The following CATSPERE variants were observed in gnomAD, a reference collection of about 807,000 sequenced individuals.
CATSPERE encodes catsper channel auxiliary subunit epsilon, also known as cation channel sperm-associated auxiliary subunit epsilon.
Under a neutral mutation model 114.1 loss-of-function variants are expected in CATSPERE, and 93 were observed. The ratio of observed to expected loss-of-function variants is 0.81; its 90% CI spans 0.69 to 0.97. CATSPERE has a LOEUF of 0.97. CATSPERE is among the 50% of genes least tolerant of loss of function. The pLI is 0.00. For missense variants in CATSPERE, 1,058 were observed against 1,131.6 expected, an observed-to-expected ratio of 0.93 and a Z score of 0.93; for synonymous variants, 341 against 384.1, an observed-to-expected ratio of 0.89 and a Z score of 1.31.
intron 17 of CATSPERE, among the ~76,000 whole-genome samples, chr1:244,595,038 C>T (rs12564755): frequency 0.18 from 26,991 of 152,030 alleles, 3,376 homozygotes; most frequent in East Asian, 0.39. Flanking sequence ...TTTGTGTTTT[C>T]GTGTTTGTTT....
chr1:244,542,913 G>C (rs1214781228), intron 8 of CATSPERE, among the ~76,000 whole-genome samples: 1 of 152,040 alleles, frequency 6.6e-6, no homozygotes, highest in Non-Finnish European at 1.5e-5. Context: ...GCACAATGAG[G>C]TATCACCTCA....
chr1:244,597,021 C>T (rs1185284850), intron 17 of CATSPERE, among the ~76,000 whole-genome samples: 1 of 152,098 alleles, frequency 6.6e-6, no homozygotes, highest in Non-Finnish European at 1.5e-5. Context: ...CCTGTCCCTC[C>T]ATTTGTAAGC....
chr1:244,520,254 C>G lies in CATSPERE; in HGVS notation c.536+1556C>G, dbSNP rs561428620. On this transcript the variant is annotated intron_variant, in intron 8 of 21. Transcript: ENST00000366534. ...TCCTATGAGTATTATAGTGTTCGCT[C>G]TTACATTTAAGCCCTTGGTCTACTT... Among the ~76,000 whole-genome samples, 6 of 152,200 alleles carry G rather than the reference C, an allele frequency of 3.9e-5. No individual in the cohort carries two copies. In the South Asian group the frequency reaches 1.2e-3, roughly 32 times the overall value.
At chr1:244,474,474 A>C (rs1668967488) in intron 2 of CATSPERE, among the ~76,000 whole-genome samples, 1 of 151,686 alleles carries the variant, frequency 6.6e-6, no homozygotes, top group Admixed American at 6.6e-5. Flanking sequence ...ATTATTCTTT[A>C]ATTATAGAAT....
intron 20 of CATSPERE, among the ~76,000 whole-genome samples, chr1:244,630,494 A>C (rs1047637241): frequency 7.2e-5 from 11 of 152,174 alleles, no homozygotes; most frequent in Non-Finnish European, 1.5e-4. Flanking sequence ...TTCTTCGATG[A>C]GACTACATTG....
intron 20 of CATSPERE, among the ~76,000 whole-genome samples, chr1:244,622,429 G>T (rs1672515924): frequency 1.7e-5 from 2 of 114,590 alleles, no homozygotes; most frequent in Non-Finnish European, 1.7e-5. Flanking sequence ...TTTGAGACAG[G>T]TTCTCATTCT....
chr1:244,518,530 G>A, intron 7 of CATSPERE, 62 bp from the exon 8 acceptor site: 3 of 993,616 alleles, frequency 3.0e-6, no homozygotes, highest in Non-Finnish European at 4.8e-6. Flanking sequence ...ATATCCTGAT[G>A]TCACATCAAA....
intron 8 of CATSPERE, among the ~76,000 whole-genome samples, chr1:244,545,250 G>T (rs570902535): frequency 6.6e-6 from 1 of 152,286 alleles, no homozygotes; most frequent in East Asian, 1.9e-4. Flanking sequence ...CTAAGGTGAG[G>T]TTAATTTGTT....
intron 8 of CATSPERE, among the ~76,000 whole-genome samples, chr1:244,521,303 A>G (rs1256450323): frequency 1.3e-5 from 2 of 152,174 alleles, no homozygotes; most frequent in African/African-American, 4.8e-5. Context: ...ACAGTGAGCT[A>G]TGATCATGCC....
At chr1:244,620,565 G>T (rs1671957749) in intron 20 of CATSPERE, among the ~76,000 whole-genome samples, 1 of 152,116 alleles carries the variant, frequency 6.6e-6, no homozygotes, top group Non-Finnish European at 1.5e-5. Flanking sequence ...ATTTTAACAA[G>T]TGAAAGAACA....
At chr1:244,454,003 G>T (rs1486036991), upstream of CATSPERE, among the ~76,000 whole-genome samples, 2 of 152,184 alleles carry the variant, frequency 1.3e-5, no homozygotes, top group African/African-American at 4.8e-5. Context: ...AGTTTGGAAG[G>T]GATACTCCCG....
At chr1:244,483,208 G>A (rs940723906) in intron 5 of CATSPERE, among the ~76,000 whole-genome samples, 19 of 152,172 alleles carry the variant, frequency 1.2e-4, no homozygotes, top group African/African-American at 4.6e-4. Context: ...AGTGAAGAAC[G>A]TCAGGCCTCA....
At chr1:244,586,832 G>A (rs1667094239) in intron 13 of CATSPERE, among the ~76,000 whole-genome samples, 1 of 152,182 alleles carries the variant, frequency 6.6e-6, no homozygotes, top group Non-Finnish European at 1.5e-5. Context: ...CCTGGAGCCA[G>A]GTGGAAATGG....
At position 244,607,835 on chromosome 1, in the gene CATSPERE, T is replaced by C. The variant is rs150157133; in HGVS notation, c.2403+2041T>C. Among the ~76,000 whole-genome samples the C allele has an allele frequency of 2.5e-3, 380 of 152,274 alleles. 5 individuals carry two copies. The highest frequency in any genetic ancestry group is 0.014 in the East Asian group (70 of 5,170). On this transcript the variant is annotated intron_variant, in intron 18 of 21. Transcript: ENST00000366534. This position sits in a 1 kb window ranked among gnomAD's most constrained non-coding sequence, Gnocchi z 4.4. ...GTGATCAAGAATTAAACTTGTTGGC[T>C]AGGCACGGTGGCTCATGCCTATAAT...
chr1:244,538,498 C>T (rs1284177842), intron 8 of CATSPERE, among the ~76,000 whole-genome samples: 1 of 152,106 alleles, frequency 6.6e-6, no homozygotes, highest in East Asian at 1.9e-4. Context: ...TCCCCACATC[C>T]CTAGAAATCC....
At chr1:244,508,455 C>T (rs1675171517) in intron 7 of CATSPERE, among the ~76,000 whole-genome samples, 1 of 151,780 alleles carries the variant, frequency 6.6e-6, no homozygotes, top group Admixed American at 6.6e-5. Context: ...CACCCGCCAC[C>T]ACGCCCAGCT....
intron 19 of CATSPERE, among the ~76,000 whole-genome samples, chr1:244,612,116 A>G (rs1383022651): frequency 1.3e-5 from 2 of 152,140 alleles, no homozygotes; most frequent in African/African-American, 2.4e-5. Context: ...GTTCCATTCT[A>G]CTACATGAGA....
intron 9 of CATSPERE, among the ~76,000 whole-genome samples, chr1:244,554,050 A>G (rs1572720745): frequency 6.6e-6 from 1 of 152,086 alleles, no homozygotes; most frequent in Non-Finnish European, 1.5e-5. Flanking sequence ...TATATAACCC[A>G]TTTTCTTTAT....
intron 8 of CATSPERE, among the ~76,000 whole-genome samples, chr1:244,523,392 CA>C (rs1677950304): frequency 7.0e-6 from 1 of 142,108 alleles, no homozygotes; most frequent in African/African-American, 2.9e-5. Flanking sequence ...ACTGAATGGG[CA>C]AAAACTGGAA....
Sources: gnomAD v4.1 joint callset for allele counts (sites outside exome capture counted in the v4.1 genomes callset) on GRCh38, gnomAD v4.1.1 for gene constraint, Gnocchi (gnomAD v3.1) non-coding constraint, MANE v1.5 for transcripts, NCBI Gene and HGNC (gene_info 2026-07-23, HGNC 2026-07-21) for gene names.